DNAJC5: variants seen among roughly 807,000 people sequenced by gnomAD.
DNAJC5 encodes the protein DnaJ heat shock protein family (Hsp40) member C5.
A neutral mutation model predicts 23.2 loss-of-function variants in DNAJC5; 1 was observed. The observed-to-expected ratio is 0.04, with a 90% CI of 0.02 to 0.20. DNAJC5 has a LOEUF of 0.20. Among genes scored for constraint, DNAJC5 ranks in the 10% least tolerant of loss-of-function variants. The probability of loss-of-function intolerance (pLI) is 1.00; values close to 1 mark genes in which losing one functional copy is unlikely to be tolerated. For synonymous variants in DNAJC5, 136 were observed against 120.0 expected, an observed-to-expected ratio of 1.13 and a Z score of -0.87; for missense variants, 180 against 267.0, an observed-to-expected ratio of 0.67 and a Z score of 2.27.
rs773593782 is a variant in DNAJC5, at chr20:63,929,818, G to C, written c.321+293G>C. Among the ~76,000 whole-genome samples the C allele has an allele frequency of 2.0e-5, 3 of 152,230 alleles. No individual in the cohort carries two copies. Among genetic ancestry groups the C allele is most frequent in the Non-Finnish European group, 4.4e-5 (3 of 68,046 alleles). On this transcript the variant is annotated intron_variant, in intron 3 of 4. Coordinates refer to ENST00000360864, the MANE Select transcript of DNAJC5 (RefSeq NM_025219.3). The surrounding 1 kb of genome is among the most constrained non-coding windows in gnomAD (Gnocchi z 8.6). Reference sequence around the variant, plus strand: ...AGCATTGCAGAGCCCATGCGTTGATGCCAGCAACTCTACACTCCTGAGAAA... The same window carrying C: ...AGCATTGCAGAGCCCATGCGTTGATCCCAGCAACTCTACACTCCTGAGAAA...
In DNAJC5 at chr20:63,905,265, A is replaced by C. The variant is rs965231885; in HGVS notation, c.-12+9942A>C. Among the ~76,000 whole-genome samples, 3 of 149,328 alleles carry C rather than the reference A, an allele frequency of 2.0e-5. No individual in the cohort carries two copies. The East Asian group carries it at 6.0e-4, about 30-fold the overall frequency. On this transcript the variant is annotated intron_variant, in intron 1 of 4. Coordinates refer to ENST00000360864, the MANE Select transcript of DNAJC5 (RefSeq NM_025219.3). The stretch of plus-strand genomic sequence containing the variant: ...TGAGTAGCTGGAACTGCAGGTGTGC[A>C]CCACCATGCCCGGCTAATTTTTGTA...
At chr20:63,911,768 G>A (rs2053484100) in intron 1 of DNAJC5, among the ~76,000 whole-genome samples, 1 of 151,872 alleles carries the variant, frequency 6.6e-6, no homozygotes, top group South Asian at 2.1e-4. Context: ...TGACCTCCTG[G>A]GCTCGAGTGA....
intron 1 of DNAJC5, among the ~76,000 whole-genome samples, chr20:63,901,180 G>T (rs1002869859): frequency 4.6e-5 from 7 of 152,218 alleles, no homozygotes; most frequent in African/African-American, 1.4e-4. Flanking sequence ...GTCCAGGCTG[G>T]TCTCAAACTC....
Position 63,928,461 on chromosome 20 carries a change from A to G in DNAJC5, c.107+9A>G. ...ATTAAAAAGTCCTATCGGTAAGTGGACAAGTGTGGCCCCCACATCCCCCCA... is the reference window on the plus strand; with the variant it reads ...ATTAAAAAGTCCTATCGGTAAGTGGGCAAGTGTGGCCCCCACATCCCCCCA... On this transcript the variant is annotated intron_variant, in intron 2 of 4. Transcript: ENST00000360864. The surrounding 1 kb of genome is among the most constrained non-coding windows in gnomAD (Gnocchi z 4.6). 6.2e-7 allele frequency: 1 copy of G among 1,611,040 alleles called. No individual in the cohort carries two copies. The highest frequency in any genetic ancestry group is 8.5e-7 in the Non-Finnish European group (1 of 1,177,310).
At chr20:63,914,460 G>A (rs989074955) in intron 1 of DNAJC5, among the ~76,000 whole-genome samples, 3 of 151,376 alleles carry the variant, frequency 2.0e-5, no homozygotes, top group Admixed American at 1.3e-4. Flanking sequence ...GACTACAGGC[G>A]CCTACCACCA....
chr20:63,906,655 G>A (rs758988509), intron 1 of DNAJC5, among the ~76,000 whole-genome samples: 7 of 151,352 alleles, frequency 4.6e-5, no homozygotes, highest in African/African-American at 1.7e-4. Flanking sequence ...GATGGTGGGC[G>A]CCTGTATATA....
Position 63,931,415 on chromosome 20 carries a change from G to T in DNAJC5, c.494-50G>T. 6.7e-7 allele frequency: 1 copy of T among 1,503,624 alleles called. No individual in the cohort carries two copies. Among genetic ancestry groups the T allele is most frequent in the Non-Finnish European group, 8.9e-7 (1 of 1,117,578 alleles). 93.1% of individuals were successfully genotyped at this position (1,503,624 alleles called of 1,614,324 possible). On this transcript the variant is annotated intron_variant, in intron 4 of 4. Transcript: ENST00000360864. This position sits in a 1 kb window ranked among gnomAD's most constrained non-coding sequence, Gnocchi z 9.6. ...TCGCTCCACAGGACCAGCGTTGGGT[G>T]CGCGCCAGGCTGTGGCCCTCGTGCA...
intron 3 of DNAJC5, 31 bp from the exon 4 acceptor site, chr20:63,930,820 G>T (rs767115591): frequency 1.2e-6 from 2 of 1,611,114 alleles, no homozygotes; most frequent in South Asian, 1.1e-5. Context: ...GGCCTCGGAG[G>T]CCATGCAACA....
chr20:63,916,813 G>A (rs2053518219), intron 1 of DNAJC5, among the ~76,000 whole-genome samples: 2 of 152,114 alleles, frequency 1.3e-5, no homozygotes, highest in South Asian at 4.1e-4. Context: ...ATTCTTGCTA[G>A]GAAAAGAATT....
Position 63,895,648 on chromosome 20 carries a change from C to G in DNAJC5, c.-12+325C>G, listed in dbSNP as rs1199100357. On this transcript the variant is annotated intron_variant, in intron 1 of 4. Coordinates refer to ENST00000360864, the MANE Select transcript of DNAJC5 (RefSeq NM_025219.3). ...CGCCCCCTCCGCTCCCCCAGGTCCC[C>G]GCGGCCGCCCCCAACCCCCCGGGGT... is the stretch of plus-strand genomic sequence containing the variant. Among the ~76,000 whole-genome samples, 6 of 152,022 alleles carry G rather than the reference C, an allele frequency of 3.9e-5. No homozygotes were observed. The South Asian group carries it at 8.3e-4, about 21-fold the overall frequency.
intron 1 of DNAJC5, among the ~76,000 whole-genome samples, chr20:63,895,610 C>T (rs377425541): frequency 6.6e-6 from 1 of 151,542 alleles, no homozygotes; most frequent in African/African-American, 2.4e-5. Context: ...CCGCGGGTCT[C>T]TTCGGGCCCG....
chr20:63,918,029 C>T (rs146762938), intron 1 of DNAJC5, among the ~76,000 whole-genome samples: 31 of 152,306 alleles, frequency 2.0e-4, no homozygotes, highest in African/African-American at 7.5e-4. Context: ...TCGCCACCCA[C>T]CGCGCCTGCT....
At chr20:63,914,413 C>T (rs2053502607) in intron 1 of DNAJC5, among the ~76,000 whole-genome samples, 1 of 151,672 alleles carries the variant, frequency 6.6e-6, no homozygotes. Flanking sequence ...CTCCTGGGTT[C>T]ACGCGATTCT....
intron 1 of DNAJC5, among the ~76,000 whole-genome samples, chr20:63,902,675 G>GTTTTT (rs35872737): frequency 9.2e-6 from 1 of 108,158 alleles, no homozygotes; most frequent in African/African-American, 3.6e-5. Context: ...GCCTCATCTT[G>GTTTTT]TTTTTTTTTT....
chr20:63,929,204 A>G lies in DNAJC5; in HGVS notation c.108-108A>G. On this transcript the variant is annotated intron_variant, in intron 2 of 4. Coordinates refer to ENST00000360864, the MANE Select transcript of DNAJC5 (RefSeq NM_025219.3). This position sits in a 1 kb window ranked among gnomAD's most constrained non-coding sequence, Gnocchi z 8.6. ...TCGGACAGTGAGGTGGCCTGGGTGGACCTGCCTTCCACTGCACCCGGCAGT... is the reference window on the plus strand; with the variant it reads ...TCGGACAGTGAGGTGGCCTGGGTGGGCCTGCCTTCCACTGCACCCGGCAGT... 7.6e-7 allele frequency: 1 copy of G among 1,318,740 alleles called. No homozygotes were observed. The highest frequency in any genetic ancestry group is 1.1e-6 in the Non-Finnish European group (1 of 937,586). The allele number at this position is 1,318,740 out of a possible 1,614,324, so 81.7% of individuals were successfully genotyped here.
At position 63,910,335 on chromosome 20, in the gene DNAJC5, G is replaced by A. The variant is rs544521085; in HGVS notation, c.-12+15012G>A. ...GGGGGTGGGCAGATCACAAGGTCAG[G>A]AGATGGAGACCATCCTGGCTAACAC... On this transcript the variant is annotated intron_variant, in intron 1 of 4. Transcript: ENST00000360864. 8.5e-5 allele frequency among the ~76,000 whole-genome samples: 13 copies of A among 152,178 alleles called. No homozygotes were observed. The South Asian group carries it at 2.1e-3, about 24-fold the overall frequency.
At chr20:63,900,632 C>T (rs1026134114) in intron 1 of DNAJC5, among the ~76,000 whole-genome samples, 1 of 150,640 alleles carries the variant, frequency 6.6e-6, no homozygotes, top group African/African-American at 2.4e-5. Flanking sequence ...ATTTCCTCCT[C>T]AGGACAGACC....
rs1180397307 is a variant in DNAJC5 at position 63,895,251 on chromosome 20, C to G, written c.-84C>G. ...AGGCTGAGGAGTGCGTCGGCCGCTG[C>G]CCAGCAGCGCCGCGAATCGGGGAGC... On this transcript the variant is annotated 5_prime_UTR_variant, in exon 1 of 5. Transcript: ENST00000360864. 6.7e-6 allele frequency: 1 copy of G among 148,952 alleles called. No homozygotes were observed. The highest frequency in any genetic ancestry group is 1.5e-5 in the Non-Finnish European group (1 of 66,384). 9.2% of individuals were successfully genotyped at this position (148,952 alleles called of 1,614,324 possible).
Position 63,895,149 on chromosome 20 carries a change from C to A in DNAJC5, c.-186C>A, listed in dbSNP as rs886056927. On this transcript the variant is annotated 5_prime_UTR_variant, in exon 1 of 5. Transcript: ENST00000360864. ...GTGCGTGCGTGAGCGTGCTCGTCTC[C>A]GCTGCCGCTGCCGCTGCCGCTGCCG... is the stretch of plus-strand genomic sequence containing the variant. 1 of 153,608 alleles carries A rather than the reference C, an allele frequency of 6.5e-6. No homozygotes were observed. Among genetic ancestry groups the A allele is most frequent in the Non-Finnish European group, 1.4e-5 (1 of 69,158 alleles). The allele number at this position is 153,608 out of a possible 1,614,324, so 9.5% of individuals were successfully genotyped here.
Sources: gnomAD v4.1 joint callset for allele counts (sites outside exome capture counted in the v4.1 genomes callset) on GRCh38, gnomAD v4.1.1 for gene constraint, Gnocchi (gnomAD v3.1) non-coding constraint, MANE v1.5 for transcripts, NCBI Gene and HGNC (gene_info 2026-07-23, HGNC 2026-07-21) for gene names.